XKR6: variants seen among roughly 807,000 people sequenced by gnomAD.
XKR6 encodes the protein XK related 6.
XKR6 carries 22 observed loss-of-function variants against 56.7 expected under a neutral mutation model. The observed-to-expected ratio is 0.39, with a 90% CI of 0.28 to 0.55. The LOEUF is 0.55. Ranked by LOEUF, XKR6 falls within the 20% of genes least tolerant of loss-of-function variation. XKR6 has a pLI of 0.66. For synonymous variants in XKR6, 524 were observed against 387.8 expected (o/e 1.35, Z -4.13); for missense variants, 852 against 889.0 (o/e 0.96, Z 0.53).
intron 1 of XKR6, chr8:11,123,630 C>T (rs1586578002): frequency 9.1e-6 from 3 of 328,706 alleles, no homozygotes; most frequent in East Asian, 7.8e-5. Context: ...GTTTAAGATA[C>T]TTGGCTATAT....
intron 1 of XKR6, among the ~76,000 whole-genome samples, chr8:10,927,989 A>T (rs141666755): frequency 6.6e-6 from 1 of 152,186 alleles, no homozygotes; most frequent in Non-Finnish European, 1.5e-5. Flanking sequence ...CCAAGCCTCA[A>T]TGCAAATGCT....
intron 1 of XKR6, among the ~76,000 whole-genome samples, chr8:11,069,339 C>G (rs1337761595): frequency 2.6e-5 from 4 of 152,184 alleles, no homozygotes; most frequent in African/African-American, 7.2e-5. Flanking sequence ...AGCAGCCCCC[C>G]TGGTCCATCC....
chr8:11,120,291 C>T lies in XKR6; in HGVS notation c.764+80285G>A, dbSNP rs796733534. Among the ~76,000 whole-genome samples, 82 of 152,298 alleles carry T rather than the reference C, an allele frequency of 5.4e-4. 1 individual carries two copies. The East Asian group carries it at 0.015, about 27-fold the overall frequency. ...TGATTGTATATTTAGAAAACCCCATCGCCTCAGCCCAAAATCTCCTTAAGC... is the reference window on the plus strand; with the variant it reads ...TGATTGTATATTTAGAAAACCCCATTGCCTCAGCCCAAAATCTCCTTAAGC... On this transcript the variant is annotated intron_variant, in intron 1 of 2. Transcript: ENST00000416569.
chr8:10,948,395 C>T (rs1243759025), intron 1 of XKR6, among the ~76,000 whole-genome samples: 6 of 152,216 alleles, frequency 3.9e-5, no homozygotes, highest in Non-Finnish European at 8.8e-5. Context: ...CTTGAAACCT[C>T]TGCCAGCTGA....
chr8:11,163,517 C>T (rs527729132), intron 1 of XKR6, among the ~76,000 whole-genome samples: 11 of 152,158 alleles, frequency 7.2e-5, no homozygotes, highest in South Asian at 2.1e-4. Flanking sequence ...TCCCTGCATC[C>T]GCTGGAGATA....
At chr8:10,986,861 G>C (rs1384424962) in intron 1 of XKR6, among the ~76,000 whole-genome samples, 1 of 151,482 alleles carries the variant, frequency 6.6e-6, no homozygotes, top group African/African-American at 2.4e-5. Context: ...CTGCAGCATA[G>C]AACTCCAGGG....
chr8:11,111,396 T>C (rs937963521), intron 1 of XKR6, among the ~76,000 whole-genome samples: 8 of 152,184 alleles, frequency 5.3e-5, no homozygotes, highest in Admixed American at 4.6e-4. Flanking sequence ...GTGCCACAAG[T>C]ATATTTGGAT....
intron 2 of XKR6, among the ~76,000 whole-genome samples, chr8:10,901,077 A>G (rs1050261537): frequency 2.0e-4 from 27 of 137,632 alleles, no homozygotes; most frequent in African/African-American, 7.0e-4. Flanking sequence ...TTTTTTTAAG[A>G]TGGAGTCCCA....
chr8:11,107,691 C>T (rs1462788948), intron 1 of XKR6: 1 of 152,828 alleles, frequency 6.5e-6, no homozygotes, highest in Non-Finnish European at 1.5e-5. Context: ...GCACAGAAAC[C>T]CCTTGACATC....
intron 1 of XKR6, among the ~76,000 whole-genome samples, chr8:10,951,996 G>A (rs1314670263): frequency 6.6e-6 from 1 of 152,172 alleles, no homozygotes; most frequent in East Asian, 1.9e-4. Flanking sequence ...GCCAGGATCA[G>A]CAGGGGAAAT....
intron 1 of XKR6, among the ~76,000 whole-genome samples, chr8:10,982,722 G>A (rs2129137792): frequency 6.6e-6 from 1 of 152,308 alleles, no homozygotes; most frequent in East Asian, 1.9e-4. Flanking sequence ...TAGAGGCCCT[G>A]GCGTTTCTCT....
intron 2 of XKR6, among the ~76,000 whole-genome samples, chr8:10,900,215 A>G (rs1799997344): frequency 6.6e-6 from 1 of 152,218 alleles, no homozygotes. Flanking sequence ...AAGGTTACCC[A>G]GTGATTTTCT....
At chr8:11,130,680 T>C (rs1800062067) in intron 1 of XKR6, among the ~76,000 whole-genome samples, 1 of 151,764 alleles carries the variant, frequency 6.6e-6, no homozygotes, top group Admixed American at 6.6e-5. Flanking sequence ...GGAGCTGGTA[T>C]CTCCTTCAGA....
intron 1 of XKR6, among the ~76,000 whole-genome samples, chr8:11,006,403 A>G (rs1049427957): frequency 3.3e-5 from 5 of 152,154 alleles, no homozygotes; most frequent in Non-Finnish European, 5.9e-5. Context: ...GTCACTATCC[A>G]TCCCTTATCG....
At chr8:11,051,170 C>G (rs1370618637) in intron 1 of XKR6, among the ~76,000 whole-genome samples, 1 of 152,040 alleles carries the variant, frequency 6.6e-6, no homozygotes, top group African/African-American at 2.4e-5. Flanking sequence ...CCCCCATCTG[C>G]TAGACTCCTT....
intron 1 of XKR6, among the ~76,000 whole-genome samples, chr8:11,189,315 C>T (rs1803427538): frequency 6.6e-6 from 1 of 152,168 alleles, no homozygotes; most frequent in Non-Finnish European, 1.5e-5. Flanking sequence ...TAATAATGAC[C>T]TTGAAATACT....
chr8:11,187,341 G>T (rs1047098317), intron 1 of XKR6, among the ~76,000 whole-genome samples: 4 of 152,128 alleles, frequency 2.6e-5, no homozygotes, highest in Admixed American at 2.6e-4. Context: ...AACACTATAG[G>T]ATATCTCCCA....
At chr8:11,186,449 C>T (rs1467673408) in intron 1 of XKR6, among the ~76,000 whole-genome samples, 3 of 152,178 alleles carry the variant, frequency 2.0e-5, no homozygotes, top group Admixed American at 1.3e-4. Flanking sequence ...CAATCACAGG[C>T]CCCTGCAGCC....
At chr8:11,174,392 G>A (rs1296053189) in intron 1 of XKR6, among the ~76,000 whole-genome samples, 1 of 152,164 alleles carries the variant, frequency 6.6e-6, no homozygotes, top group African/African-American at 2.4e-5. Context: ...GAATGTACTT[G>A]TGCAGCAAGA....
Sources: gnomAD v4.1 joint callset for allele counts (sites outside exome capture counted in the v4.1 genomes callset) on GRCh38, gnomAD v4.1.1 for gene constraint, MANE v1.5 for transcripts, NCBI Gene and HGNC (gene_info 2026-07-23, HGNC 2026-07-21) for gene names.